The following CDC5L variants were observed in gnomAD, a reference collection of about 807,000 sequenced individuals.
CDC5L encodes cell division cycle 5 like, also known as cell division cycle 5-like protein.
In CDC5L, 18 loss-of-function variants were observed where a neutral mutation model predicts 104.1. That is an observed-to-expected ratio of 0.17 (90% CI 0.12 to 0.26). CDC5L has a LOEUF of 0.26. CDC5L is among the 10% of genes least tolerant of loss of function. The probability of loss-of-function intolerance (pLI) is 1.00; values close to 1 mark genes in which losing one functional copy is unlikely to be tolerated. For missense variants in CDC5L, 673 were observed against 956.9 expected (o/e 0.70, Z 3.91); for synonymous variants, 331 against 322.7 (o/e 1.03, Z -0.28).
chr6:44,403,142 T>C (rs1006416561), intron 5 of CDC5L, among the ~76,000 whole-genome samples: 5 of 152,204 alleles, frequency 3.3e-5, no homozygotes, highest in Non-Finnish European at 5.9e-5. Flanking sequence ...GACTGTCCAT[T>C]TTTTGCAGCC....
At position 44,422,353 on chromosome 6, in the gene CDC5L, G is replaced by A. The variant is rs184544883; in HGVS notation, c.1242-294G>A. On this transcript the variant is annotated intron_variant, in intron 9 of 15. Coordinates refer to ENST00000371477, the MANE Select transcript of CDC5L (RefSeq NM_001253.4). ...CCCTGCCCACTGCATGTTCTTAGTC[G>A]CCCTAATGTGCCAAGAAAAGGTTGA... Among the ~76,000 whole-genome samples the A allele has an allele frequency of 5.9e-5, 9 of 152,248 alleles. No homozygotes were observed. In the East Asian group the frequency reaches 7.7e-4, roughly 13 times the overall value.
At chr6:44,391,442 G>T (rs1050804333) in intron 2 of CDC5L, among the ~76,000 whole-genome samples, 1 of 151,922 alleles carries the variant, frequency 6.6e-6, no homozygotes, top group Non-Finnish European at 1.5e-5. Context: ...TAGAGACGGA[G>T]TTTCGCCGTG....
At chr6:44,426,389 G>A (rs1198430673) in intron 12 of CDC5L, 93 bp from the exon 13 acceptor site, 10 of 862,822 alleles carry the variant, frequency 1.2e-5, no homozygotes, top group Non-Finnish European at 1.4e-5. Context: ...TTTTGAAAAT[G>A]TAAAACCGCT....
intron 14 of CDC5L, among the ~76,000 whole-genome samples, chr6:44,445,069 G>A (rs11572046): frequency 2.6e-5 from 4 of 152,330 alleles, no homozygotes; most frequent in Admixed American, 2.6e-4. Flanking sequence ...ATTCTTAGCT[G>A]CTTCTCTGCA....
intron 13 of CDC5L, 36 bp from the exon 14 acceptor site, chr6:44,429,677 A>G: frequency 6.4e-7 from 1 of 1,562,506 alleles, no homozygotes; most frequent in Non-Finnish European, 8.8e-7. Context: ...AAGTGTTTGT[A>G]GTACTTAAAC....
chr6:44,417,347 C>T (rs766615715), intron 8 of CDC5L, among the ~76,000 whole-genome samples: 6 of 152,142 alleles, frequency 3.9e-5, no homozygotes, highest in Non-Finnish European at 8.8e-5. Context: ...AACAGTTGAA[C>T]TTCTCACGTG....
chr6:44,445,625 A>G (rs374651948), intron 14 of CDC5L, 30 bp from the exon 15 acceptor site: 16 of 1,531,824 alleles, frequency 1.0e-5, no homozygotes, highest in Non-Finnish European at 1.4e-5. Context: ...TTTCTCATGT[A>G]TGCTGATGTG....
In CDC5L at chr6:44,403,974, T is replaced by C; in HGVS notation, c.705T>C (p.Leu235=). 1 of 1,613,352 alleles carries C rather than the reference T, an allele frequency of 6.2e-7. No homozygotes were observed. Among genetic ancestry groups the C allele is most frequent in the Non-Finnish European group, 8.5e-7 (1 of 1,179,850 alleles). The change falls in exon 6 of 16, where the codon CTT becomes CTC. Residue 235 remains leucine (L), a synonymous_variant. Transcript: ENST00000371477. ...CTTCTGAGGAAAACTACCAAGCTCT[T>C]GACGCAGATTTCAGGAAATTAAGAC... The part of the protein sequence containing the change: ...YDTSEENYQA[L]DADFRKLRQQ...
chr6:44,406,422 T>C lies in CDC5L; in HGVS notation c.858T>C (p.Ser286=). The part of the protein sequence containing the change: ...PSAILQTSGV[S]EFTKKRSKLV... ...CTATTCTTCAAACTAGTGGTGTTTC[T>C]GAATTTACTAAAAAGAGAAGCAAAC... The change falls in exon 7 of 16, where the codon TCT becomes TCC. Residue 286 remains serine (S), a synonymous_variant. Transcript: ENST00000371477. 1 of 1,611,588 alleles carries C rather than the reference T, an allele frequency of 6.2e-7. No individual in the cohort carries two copies. Among genetic ancestry groups the C allele is most frequent in the South Asian group, 1.1e-5 (1 of 90,014 alleles).
In CDC5L at chr6:44,403,883, A is replaced by G. The variant is rs1791245900; in HGVS notation, c.614A>G (p.Lys205Arg). The G allele has an allele frequency of 1.9e-6, 3 of 1,613,752 alleles. No individual in the cohort carries two copies. The South Asian group carries it at 3.3e-5, about 18-fold the overall frequency. Residue 205 changes from lysine (K) to arginine (R), a missense_variant, in exon 6 of 16, where the codon AAG becomes AGG. Lys to Arg is a conservative substitution (Grantham distance 26, BLOSUM62 2). Coordinates refer to ENST00000371477, the MANE Select transcript of CDC5L (RefSeq NM_001253.4). ...GAAATTCAGAAGAAAAGAAAAAGGA[A>G]GAGAGGAGTTGATTATAATGCCGAA... ...GIEIQKKRKR[K>R]RGVDYNAEIP... is the part of the protein sequence containing the mutation.
rs143725952 is a variant in CDC5L, at chr6:44,443,083, C to T, written c.2092-2572C>T. Among the ~76,000 whole-genome samples, 33 of 150,974 alleles carry T rather than the reference C, an allele frequency of 2.2e-4. 1 individual carries two copies. In the East Asian group the frequency reaches 4.3e-3, roughly 20 times the overall value. On this transcript the variant is annotated intron_variant, in intron 14 of 15. Coordinates refer to ENST00000371477, the MANE Select transcript of CDC5L (RefSeq NM_001253.4). The stretch of plus-strand genomic sequence containing the variant: ...CTCTCCTGCCCTGTCCTGTCCCTGT[C>T]TCTCTTTCTTTTCTTTTCCTTCCTT...
At chr6:44,392,625 C>G (rs1172507835) in intron 2 of CDC5L, 42 bp from the exon 3 acceptor site, 2 of 1,556,748 alleles carry the variant, frequency 1.3e-6, no homozygotes, top group Admixed American at 1.7e-5. Context: ...GATATTTATG[C>G]CAGGTAACTG....
Position 44,448,163 on chromosome 6 carries a change from G to A in CDC5L, c.*1452G>A, listed in dbSNP as rs1210539253. On this transcript the variant is annotated 3_prime_UTR_variant, in exon 16 of 16. Coordinates refer to ENST00000371477, the MANE Select transcript of CDC5L (RefSeq NM_001253.4). ...ATGGGCTATCCTTGTGAGATTCAAG[G>A]AAAGAACATCCTAGGTGGAGTGAAT... 3 of 152,146 alleles carry A rather than the reference G, an allele frequency of 2.0e-5. No individual in the cohort carries two copies. The highest frequency in any genetic ancestry group is 7.2e-5 in the African/African-American group (3 of 41,424). 9.4% of individuals were successfully genotyped at this position (152,146 alleles called of 1,614,324 possible).
chr6:44,422,059 T>C (rs1414833856), intron 9 of CDC5L, among the ~76,000 whole-genome samples: 4 of 152,198 alleles, frequency 2.6e-5, no homozygotes, highest in Non-Finnish European at 5.9e-5. Flanking sequence ...AATTAAAATA[T>C]AGGTTGCTGC....
At chr6:44,424,353 G>A (rs1792324546) in intron 10 of CDC5L, 66 bp from the exon 11 acceptor site, 1 of 1,406,422 alleles carries the variant, frequency 7.1e-7, no homozygotes, top group African/African-American at 1.4e-5. Flanking sequence ...ATTTTTAAGA[G>A]ACTCATAAAA....
chr6:44,445,158 A>T (rs1793389991), intron 14 of CDC5L, among the ~76,000 whole-genome samples: 1 of 152,086 alleles, frequency 6.6e-6, no homozygotes. Flanking sequence ...GGATTTAGTG[A>T]TCTAGGAAGA....
chr6:44,428,185 T>TTA (rs1330086423), intron 13 of CDC5L, among the ~76,000 whole-genome samples: 2 of 152,228 alleles, frequency 1.3e-5, no homozygotes, highest in Non-Finnish European at 2.9e-5. Flanking sequence ...TCTCTTTTAA[T>TTA]AAACTGTCAG....
intron 7 of CDC5L, among the ~76,000 whole-genome samples, chr6:44,407,507 A>G (rs1791427408): frequency 6.6e-6 from 1 of 152,076 alleles, no homozygotes; most frequent in South Asian, 2.1e-4. Flanking sequence ...TTGTATATTT[A>G]CTAGAGACAG....
chr6:44,446,011 T>C (rs966285822), intron 15 of CDC5L, 144 bp downstream of exon 15: 8 of 665,784 alleles, frequency 1.2e-5, no homozygotes, highest in Non-Finnish European at 1.3e-5. Flanking sequence ...TGTTTGACTT[T>C]CTAATCTAGA....
Sources: allele counts gnomAD v4.1 joint callset (sites outside exome capture counted in the v4.1 genomes callset), GRCh38; gene constraint gnomAD v4.1.1; transcripts MANE v1.5; gene names NCBI Gene and HGNC (gene_info 2026-07-23, HGNC 2026-07-21).